The following ADGRB3 variants were observed in gnomAD, a reference collection of about 807,000 sequenced individuals.
The protein encoded by ADGRB3 is brain-specific angiogenesis inhibitor 3.
ADGRB3 carries 37 observed loss-of-function variants against 193.4 expected under a neutral mutation model. That is an observed-to-expected ratio of 0.19 (90% CI 0.15 to 0.25). The LOEUF (loss-of-function observed/expected upper bound fraction) is 0.25. Ranked by LOEUF, ADGRB3 falls within the 10% of genes least tolerant of loss-of-function variation. The probability of loss-of-function intolerance (pLI) is 1.00; values close to 1 mark genes in which losing one functional copy is unlikely to be tolerated. For synonymous variants in ADGRB3, 690 were observed against 644.2 expected, an observed-to-expected ratio of 1.07 and a Z score of -1.08; for missense variants, 1,637 against 1,852.9, an observed-to-expected ratio of 0.88 and a Z score of 2.14.
intron 17 of ADGRB3, among the ~76,000 whole-genome samples, chr6:69,116,677 C>G (rs1389986734): frequency 6.6e-6 from 1 of 152,196 alleles, no homozygotes; most frequent in Non-Finnish European, 1.5e-5. Flanking sequence ...ACAATATTAA[C>G]AACAGCTTTG....
chr6:68,952,106 T>C (rs1279647687), intron 6 of ADGRB3, among the ~76,000 whole-genome samples: 1 of 152,106 alleles, frequency 6.6e-6, no homozygotes, highest in African/African-American at 2.4e-5. Context: ...TGCTTAAATA[T>C]CCAAAACAGA....
intron 30 of ADGRB3, among the ~76,000 whole-genome samples, chr6:69,380,132 T>C (rs1769916908): frequency 6.6e-6 from 1 of 152,002 alleles, no homozygotes; most frequent in Non-Finnish European, 1.5e-5. Flanking sequence ...TCCAATCAGC[T>C]AATGTATATT....
intron 3 of ADGRB3, among the ~76,000 whole-genome samples, chr6:68,684,234 T>A (rs1398077931): frequency 1.3e-5 from 2 of 152,276 alleles, no homozygotes; most frequent in East Asian, 3.9e-4. Flanking sequence ...CCTGTCACTC[T>A]GGATTTAATC....
intron 26 of ADGRB3, among the ~76,000 whole-genome samples, chr6:69,343,175 C>T (rs1769015254): frequency 6.7e-6 from 1 of 148,616 alleles, no homozygotes; most frequent in African/African-American, 2.5e-5. Context: ...TTTTTCCTGC[C>T]TTTGTAATTC....
At chr6:69,292,406 A>G (rs1767706725) in intron 20 of ADGRB3, among the ~76,000 whole-genome samples, 1 of 152,194 alleles carries the variant, frequency 6.6e-6, no homozygotes, top group Non-Finnish European at 1.5e-5. Context: ...GGACAAAGAA[A>G]AGCATCCTGT....
At chr6:68,732,184 C>A (rs7739996) in intron 3 of ADGRB3, among the ~76,000 whole-genome samples, 117,099 of 151,600 alleles carry the variant, frequency 0.77, 45,412 homozygotes, top group Middle Eastern at 0.91. Flanking sequence ...ATATTTTTAA[C>A]TTTTAAGTTA....
intron 11 of ADGRB3, among the ~76,000 whole-genome samples, chr6:68,994,973 A>C (rs553803372): frequency 6.6e-6 from 1 of 152,162 alleles, no homozygotes; most frequent in Non-Finnish European, 1.5e-5. Flanking sequence ...TAATACTGAC[A>C]CCCTAATTTG....
chr6:69,116,799 G>A (rs1174591015), intron 17 of ADGRB3, among the ~76,000 whole-genome samples: 1 of 152,228 alleles, frequency 6.6e-6, no homozygotes, highest in Non-Finnish European at 1.5e-5. Context: ...GCCTGAGGCA[G>A]AGCTTTGTGA....
intron 3 of ADGRB3, among the ~76,000 whole-genome samples, chr6:68,657,617 G>A (rs1304580795): frequency 6.6e-6 from 1 of 151,320 alleles, no homozygotes. Flanking sequence ...AGCAAATTTA[G>A]TAGATAAACT....
chr6:69,235,435 T>C (rs1766240984), intron 19 of ADGRB3, among the ~76,000 whole-genome samples: 1 of 152,080 alleles, frequency 6.6e-6, no homozygotes, highest in Admixed American at 6.6e-5. Context: ...ACACCACAAG[T>C]TCAATCTATT....
chr6:68,827,980 C>G (rs1193981608), intron 3 of ADGRB3, among the ~76,000 whole-genome samples: 4 of 152,158 alleles, frequency 2.6e-5, no homozygotes, highest in Non-Finnish European at 4.4e-5. Context: ...TTGAGTTCAT[C>G]TGATTAGGAT....
At chr6:68,735,856 G>A (rs1039595089) in intron 3 of ADGRB3, among the ~76,000 whole-genome samples, 2 of 152,056 alleles carry the variant, frequency 1.3e-5, no homozygotes, top group Non-Finnish European at 2.9e-5. Context: ...TCGATGAAAG[G>A]TTTTGGATGA....
chr6:68,864,838 T>C (rs1258101824), intron 3 of ADGRB3, among the ~76,000 whole-genome samples: 1 of 152,146 alleles, frequency 6.6e-6, no homozygotes, highest in African/African-American at 2.4e-5. Context: ...TAGTTGGTTG[T>C]CTCTAGGTTA....
chr6:69,381,711 A>G (rs1769950145), intron 30 of ADGRB3, among the ~76,000 whole-genome samples: 1 of 151,910 alleles, frequency 6.6e-6, no homozygotes, highest in African/African-American at 2.4e-5. Context: ...TTTCTTTTTC[A>G]AAACAAATCC....
intron 17 of ADGRB3, among the ~76,000 whole-genome samples, chr6:69,210,170 A>ATATATATATATAT (rs70987458): frequency 7.6e-6 from 1 of 131,766 alleles, no homozygotes; most frequent in Non-Finnish European, 1.6e-5. Context: ...ATATATATAT[A>ATATATATATATAT]AAGGGGAGTT....
intron 3 of ADGRB3, among the ~76,000 whole-genome samples, chr6:68,702,030 A>G (rs1002218685): frequency 6.6e-6 from 1 of 152,136 alleles, no homozygotes; most frequent in African/African-American, 2.4e-5. Context: ...GCTCTGCTAT[A>G]AAGAAATACT....
At chr6:69,127,731 A>G (rs1210845370) in intron 17 of ADGRB3, among the ~76,000 whole-genome samples, 1 of 152,142 alleles carries the variant, frequency 6.6e-6, no homozygotes, top group Non-Finnish European at 1.5e-5. Flanking sequence ...CCTCTTATTT[A>G]GGTGTGATTC....
At chr6:69,043,253 A>C (rs1771123412) in intron 13 of ADGRB3, among the ~76,000 whole-genome samples, 1 of 135,218 alleles carries the variant, frequency 7.4e-6, no homozygotes, top group Non-Finnish European at 1.6e-5. Context: ...AAGAAGAAAG[A>C]GAGAAAGAAA....
chr6:69,050,568 A>G (rs982435224), intron 15 of ADGRB3, among the ~76,000 whole-genome samples: 2 of 152,196 alleles, frequency 1.3e-5, no homozygotes, highest in Non-Finnish European at 2.9e-5. Context: ...ATTTAGTCAT[A>G]GTTACACTGC....
Sources: gnomAD v4.1 joint callset for allele counts (sites outside exome capture counted in the v4.1 genomes callset) on GRCh38, gnomAD v4.1.1 for gene constraint, MANE v1.5 for transcripts, NCBI Gene and HGNC (gene_info 2026-07-23, HGNC 2026-07-21) for gene names.